The following HHAT variants were observed in gnomAD, a reference collection of about 807,000 sequenced individuals.
The protein encoded by HHAT is hedgehog acyltransferase, also known as protein-cysteine N-palmitoyltransferase HHAT.
In HHAT, 47 loss-of-function variants were observed where a neutral mutation model predicts 70.8. The ratio of observed to expected loss-of-function variants is 0.66; its 90% CI spans 0.53 to 0.85. HHAT has a LOEUF of 0.85. Among genes scored for constraint, HHAT ranks in the 40% least tolerant of loss-of-function variants. The pLI is 0.00. For missense variants in HHAT, 609 were observed against 604.8 expected, an observed-to-expected ratio of 1.01 and a Z score of -0.07; for synonymous variants, 228 against 247.6, an observed-to-expected ratio of 0.92 and a Z score of 0.74.
At chr1:210,558,663 A>C (rs1385795569) in intron 9 of HHAT, among the ~76,000 whole-genome samples, 1 of 152,192 alleles carries the variant, frequency 6.6e-6, no homozygotes, top group African/African-American at 2.4e-5. Context: ...GCTTTGGTGA[A>C]GTGAGGAAGA....
At chr1:210,527,247 C>T (rs766928079) in intron 9 of HHAT, among the ~76,000 whole-genome samples, 1 of 152,180 alleles carries the variant, frequency 6.6e-6, no homozygotes, top group Middle Eastern at 3.4e-3. Context: ...CCCCTGGAAG[C>T]GTCAGGTGCT....
At chr1:210,525,926 C>T (rs77525078) in intron 9 of HHAT, among the ~76,000 whole-genome samples, 1,574 of 152,298 alleles carry the variant, frequency 0.01, 18 homozygotes, top group African/African-American at 0.035. Context: ...TAAGTGTTGT[C>T]GCTGCCTTCT....
At chr1:210,400,346 A>G (rs1415274842) in intron 4 of HHAT, 122 bp from the exon 5 acceptor site, 2 of 878,084 alleles carry the variant, frequency 2.3e-6, no homozygotes, top group Non-Finnish European at 3.4e-6. Context: ...TTATTGGGTA[A>G]TTAAACGTGA....
intron 10 of HHAT, among the ~76,000 whole-genome samples, chr1:210,602,923 A>G (rs931576571): frequency 2.6e-5 from 4 of 152,230 alleles, no homozygotes; most frequent in Non-Finnish European, 5.9e-5. Context: ...TCTAAGAGGT[A>G]GAATTCTGAA....
At chr1:210,433,981 T>C (rs144589130) in intron 7 of HHAT, among the ~76,000 whole-genome samples, 3 of 152,078 alleles carry the variant, frequency 2.0e-5, no homozygotes, top group East Asian at 3.9e-4. Context: ...AGACATATCT[T>C]ACTGGAAGGA....
chr1:210,653,499 C>T (rs916685306), intron 11 of HHAT, among the ~76,000 whole-genome samples: 16 of 146,774 alleles, frequency 1.1e-4, no homozygotes, highest in Non-Finnish European at 2.4e-4. Flanking sequence ...CACTGCATTC[C>T]AGCCTGGGTG....
intron 3 of HHAT, among the ~76,000 whole-genome samples, chr1:210,378,126 G>A (rs1030195025): frequency 4.6e-5 from 7 of 152,134 alleles, no homozygotes; most frequent in African/African-American, 1.7e-4. Flanking sequence ...GAGTTCATTC[G>A]GAGAGCAGTG....
chr1:210,670,434 G>A (rs538101148), intron 11 of HHAT, among the ~76,000 whole-genome samples: 3 of 152,184 alleles, frequency 2.0e-5, no homozygotes, highest in Non-Finnish European at 2.9e-5. Context: ...GGTGTTGACC[G>A]GTCCCCTTGC....
intron 11 of HHAT, among the ~76,000 whole-genome samples, chr1:210,636,959 A>G (rs1040589635): frequency 6.6e-6 from 1 of 152,204 alleles, no homozygotes; most frequent in Non-Finnish European, 1.5e-5. Flanking sequence ...CAATTGAGCC[A>G]CTTTACTAGT....
chr1:210,653,350 C>G (rs1675587901), intron 11 of HHAT, among the ~76,000 whole-genome samples: 1 of 151,976 alleles, frequency 6.6e-6, no homozygotes, highest in Non-Finnish European at 1.5e-5. Flanking sequence ...TGAGACCAGC[C>G]TTGGCAAAAA....
intron 2 of HHAT, among the ~76,000 whole-genome samples, chr1:210,356,610 C>T (rs1387676688): frequency 6.6e-6 from 1 of 152,170 alleles, no homozygotes; most frequent in Non-Finnish European, 1.5e-5. Context: ...TTGTTTATTT[C>T]TTTATAAACC....
At chr1:210,599,548 T>C (rs1663773863) in intron 10 of HHAT, among the ~76,000 whole-genome samples, 1 of 152,198 alleles carries the variant, frequency 6.6e-6, no homozygotes, top group Non-Finnish European at 1.5e-5. Flanking sequence ...AAAGCCATTA[T>C]GTTATCCTTT....
At chr1:210,659,207 G>A (rs1217239886) in intron 11 of HHAT, among the ~76,000 whole-genome samples, 4 of 152,060 alleles carry the variant, frequency 2.6e-5, no homozygotes, top group Non-Finnish European at 4.4e-5. Flanking sequence ...TAACAAAGAA[G>A]AAAACAGAAG....
chr1:210,414,588 A>G (rs1185067425), intron 6 of HHAT, among the ~76,000 whole-genome samples: 1 of 152,212 alleles, frequency 6.6e-6, no homozygotes, highest in Non-Finnish European at 1.5e-5. Context: ...GCTTCCTGGC[A>G]GAAGTTCTGA....
chr1:210,628,720 A>G (rs943388709), intron 11 of HHAT, among the ~76,000 whole-genome samples: 2 of 152,166 alleles, frequency 1.3e-5, no homozygotes, highest in Admixed American at 6.5e-5. Context: ...TTTCTCCCTG[A>G]TTACTAGCTT....
intron 7 of HHAT, among the ~76,000 whole-genome samples, chr1:210,420,332 T>C (rs1017766514): frequency 1.3e-5 from 2 of 152,248 alleles, no homozygotes; most frequent in African/African-American, 4.8e-5. Context: ...GTAGCACTTA[T>C]TTTCACTGCT....
chr1:210,590,625 T>C (rs1169579730), intron 10 of HHAT: 2 of 140,468 alleles, frequency 1.4e-5, no homozygotes, highest in Admixed American at 7.4e-5. Context: ...GAAAAAAATA[T>C]TGTGTTAGCT....
intron 9 of HHAT, among the ~76,000 whole-genome samples, chr1:210,577,275 G>T (rs546294642): frequency 3.8e-4 from 58 of 152,146 alleles, no homozygotes; most frequent in Non-Finnish European, 7.5e-4. Flanking sequence ...TTAGCAAAAA[G>T]ACTTTCAGTT....
At chr1:210,433,144 C>T (rs567112241) in intron 7 of HHAT, among the ~76,000 whole-genome samples, 3 of 151,828 alleles carry the variant, frequency 2.0e-5, no homozygotes, top group African/African-American at 7.3e-5. Context: ...CTACCCTGTC[C>T]AGGAATGACC....
Sources: gnomAD v4.1 joint callset for allele counts (sites outside exome capture counted in the v4.1 genomes callset) on GRCh38, gnomAD v4.1.1 for gene constraint, MANE v1.5 for transcripts, NCBI Gene and HGNC (gene_info 2026-07-23, HGNC 2026-07-21) for gene names.